FAM184B: variants seen among roughly 807,000 people sequenced by gnomAD.
The protein encoded by FAM184B is protein FAM184B.
A neutral mutation model predicts 135.9 loss-of-function variants in FAM184B; 111 were observed. That is an observed-to-expected ratio of 0.82 (90% CI 0.70 to 0.96). The LOEUF (loss-of-function observed/expected upper bound fraction) is 0.96. Among genes scored for constraint, FAM184B ranks in the 40% least tolerant of loss-of-function variants. FAM184B has a pLI of 0.00. For synonymous variants in FAM184B, 552 were observed against 524.8 expected (o/e 1.05, Z -0.71); for missense variants, 1,375 against 1,323.9 (o/e 1.04, Z -0.60).
At chr4:17,661,326 G>A (rs750405841) in intron 8 of FAM184B, among the ~76,000 whole-genome samples, 4 of 152,126 alleles carry the variant, frequency 2.6e-5, no homozygotes, top group Admixed American at 6.5e-5. Flanking sequence ...AGAGGCGGGT[G>A]GATGACCTGA....
At chr4:17,704,952 G>T in intron 5 of FAM184B, 48 bp downstream of exon 5, 1 of 1,483,056 alleles carries the variant, frequency 6.7e-7, no homozygotes, top group Non-Finnish European at 9.1e-7. Flanking sequence ...AAAGGAGGTG[G>T]GAGAAAGAAA....
chr4:17,688,580 C>G, intron 6 of FAM184B, 49 bp from the exon 7 acceptor site: 3 of 1,365,056 alleles, frequency 2.2e-6, no homozygotes, highest in Non-Finnish European at 3.0e-6. Flanking sequence ...GGTTCTACCT[C>G]CTCGATACAG....
At chr4:17,729,532 T>G (rs1360813763) in intron 1 of FAM184B, among the ~76,000 whole-genome samples, 1 of 152,144 alleles carries the variant, frequency 6.6e-6, no homozygotes, top group Non-Finnish European at 1.5e-5. Context: ...CACGGCCAGG[T>G]ACTCCTCTGA....
At chr4:17,686,174 G>C (rs1009464523) in intron 7 of FAM184B, among the ~76,000 whole-genome samples, 4 of 152,154 alleles carry the variant, frequency 2.6e-5, no homozygotes, top group South Asian at 2.1e-4. Context: ...GCTGTCTCTG[G>C]GGCCAAAAGT....
intron 1 of FAM184B, among the ~76,000 whole-genome samples, chr4:17,726,868 C>T (rs893878821): frequency 6.6e-6 from 1 of 152,306 alleles, no homozygotes; most frequent in Admixed American, 6.5e-5. Flanking sequence ...CTAACTCTAT[C>T]GATCTGGCTA....
chr4:17,765,724 T>C (rs1718658626), intron 1 of FAM184B, among the ~76,000 whole-genome samples: 1 of 152,138 alleles, frequency 6.6e-6, no homozygotes, highest in South Asian at 2.1e-4. Context: ...CCGGAAATGG[T>C]GGGTTCTTGG....
intron 1 of FAM184B, among the ~76,000 whole-genome samples, chr4:17,765,322 G>A (rs1718638595): frequency 6.6e-6 from 1 of 151,994 alleles, no homozygotes; most frequent in Non-Finnish European, 1.5e-5. Context: ...TGTAACAAAG[G>A]TGAATTCCGC....
intron 1 of FAM184B, among the ~76,000 whole-genome samples, chr4:17,717,678 G>A (rs112262615): frequency 6.6e-6 from 1 of 152,220 alleles, no homozygotes; most frequent in Admixed American, 6.5e-5. Flanking sequence ...TGTTAGGGTC[G>A]TAGAGATTGA....
At position 17,744,486 on chromosome 4, in the gene FAM184B, CACACCA is replaced by C. The variant is rs1376803823; in HGVS notation, c.142-34848_142-34843del. ...TCACACACACACACACACACACACA[CACACCA>C]CACACACACACACACACACACACCT... On this transcript the variant is annotated intron_variant, in intron 1 of 17. Transcript: ENST00000265018. Among the ~76,000 whole-genome samples, 119 of 144,236 alleles carry C rather than the reference CACACCA, an allele frequency of 8.3e-4. No individual in the cohort carries two copies. In the Middle Eastern group the frequency reaches 0.014, roughly 17 times the overall value. 94.6% of individuals were successfully genotyped at this position (144,236 alleles called of 152,430 possible). A position where few individuals can be genotyped will look rare whatever the true frequency, so the allele number is the denominator to read the frequency against.
At position 17,739,555 on chromosome 4, in the gene FAM184B, G is replaced by GTTTT. The variant is rs397992408; in HGVS notation, c.142-29915_142-29912dup. On this transcript the variant is annotated intron_variant, in intron 1 of 17. Coordinates refer to ENST00000265018, the MANE Select transcript of FAM184B (RefSeq NM_015688.2). The stretch of plus-strand genomic sequence containing the variant: ...CCCTACACCATATGTCATACCAACT[G>GTTTT]TTTTTTTTTTTTTTTTGAGATGGGG... 2.2e-4 allele frequency among the ~76,000 whole-genome samples: 14 copies of GTTTT among 62,508 alleles called. 1 individual carries two copies. Among genetic ancestry groups the GTTTT allele is most frequent in the African/African-American group, 6.2e-4 (10 of 16,252 alleles). 41.0% of individuals were successfully genotyped at this position (62,508 alleles called of 152,430 possible). A position where few individuals can be genotyped will look rare whatever the true frequency, so the allele number is the denominator to read the frequency against.
At chr4:17,638,143 T>C (rs1304545502) in intron 14 of FAM184B, among the ~76,000 whole-genome samples, 2 of 15,712 alleles carry the variant, frequency 1.3e-4, no homozygotes, top group African/African-American at 8.1e-4. Flanking sequence ...GCTTTTTTTT[T>C]TTTTTTTTTT....
intron 1 of FAM184B, among the ~76,000 whole-genome samples, chr4:17,755,880 G>C (rs1718408218): frequency 6.6e-6 from 1 of 152,160 alleles, no homozygotes; most frequent in East Asian, 1.9e-4. Flanking sequence ...GACACATGGG[G>C]TAAACAACAC....
rs1383767300 is a variant in FAM184B, at chr4:17,694,290, G to A, written c.1378-878C>T. On this transcript the variant is annotated intron_variant, in intron 5 of 17. Transcript: ENST00000265018. The stretch of plus-strand genomic sequence containing the variant: ...TGTAATCCCAGCACTTTGGGAGGCC[G>A]AGGTGGGTGGATCACGAGGTCAGCA... Among the ~76,000 whole-genome samples the A allele has an allele frequency of 4.6e-5, 7 of 152,276 alleles. No individual in the cohort carries two copies. In the East Asian group the frequency reaches 9.6e-4, roughly 21 times the overall value.
intron 1 of FAM184B, among the ~76,000 whole-genome samples, chr4:17,776,465 T>C (rs1364920828): frequency 6.6e-6 from 1 of 152,222 alleles, no homozygotes; most frequent in Non-Finnish European, 1.5e-5. Flanking sequence ...CTCAGCCAAC[T>C]GCAACCTCCG....
intron 1 of FAM184B, among the ~76,000 whole-genome samples, chr4:17,751,823 G>GCGCACACACACACACACA (rs764575898): frequency 8.6e-6 from 1 of 115,834 alleles, no homozygotes; most frequent in Non-Finnish European, 1.8e-5. Context: ...TAAAAACAAG[G>GCGCACACACACACACACA]CACACACACA....
intron 7 of FAM184B, among the ~76,000 whole-genome samples, chr4:17,676,088 A>T (rs1159471073): frequency 1.3e-5 from 2 of 152,172 alleles, no homozygotes; most frequent in African/African-American, 2.4e-5. Flanking sequence ...GCCTGTCTCA[A>T]AGTTTTTGAC....
intron 1 of FAM184B, among the ~76,000 whole-genome samples, chr4:17,761,315 G>A (rs1034049896): frequency 6.6e-6 from 1 of 152,176 alleles, no homozygotes; most frequent in African/African-American, 2.4e-5. Context: ...AAGCCTACAA[G>A]TCAGGAAGAG....
chr4:17,642,116 C>G lies in FAM184B; in HGVS notation c.2459G>C (p.Arg820Pro), dbSNP rs1182744727. ...ENAQLQDAVR[R>P]LRAEVEQHQQ... ...ATGCTGCTCCACCTCCGCGCGCAGC[C>G]GCCGCACCGCGTCCTGGAGCTGCGC... The change falls in exon 13 of 18, where the codon CGG (arginine) becomes CCG (proline). Residue 820 changes from arginine (R) to proline (P), a missense_variant. Arg to Pro is a moderately radical substitution (Grantham distance 103). Coordinates refer to ENST00000265018, the MANE Select transcript of FAM184B (RefSeq NM_015688.2). 1.3e-6 allele frequency: 2 copies of G among 1,532,928 alleles called. No homozygotes were observed. Among genetic ancestry groups the G allele is most frequent in the Non-Finnish European group, 1.7e-6 (2 of 1,145,282 alleles). The allele number at this position is 1,532,928 out of a possible 1,614,324, so 95.0% of individuals were successfully genotyped here. A position where few individuals can be genotyped will look rare whatever the true frequency, so the allele number is the denominator to read the frequency against.
chr4:17,687,670 G>A (rs936717785), intron 7 of FAM184B, among the ~76,000 whole-genome samples: 1 of 152,172 alleles, frequency 6.6e-6, no homozygotes, highest in African/African-American at 2.4e-5. Context: ...GAGACAAGGG[G>A]AAAGAGGCCG....
Sources: gnomAD v4.1 joint callset for allele counts (sites outside exome capture counted in the v4.1 genomes callset) on GRCh38, gnomAD v4.1.1 for gene constraint, MANE v1.5 for transcripts, NCBI Gene and HGNC (gene_info 2026-07-23, HGNC 2026-07-21) for gene names.